SUSD6: variants seen among roughly 807,000 people sequenced by gnomAD.
SUSD6 encodes the protein sushi domain-containing protein 6.
A neutral mutation model predicts 28.4 loss-of-function variants in SUSD6; 16 were observed. That is an observed-to-expected ratio of 0.56 (90% CI 0.38 to 0.86). The LOEUF is 0.86. Ranked by LOEUF, SUSD6 falls within the 40% of genes least tolerant of loss-of-function variation. The pLI, the probability that SUSD6 is intolerant of heterozygous loss-of-function variation, is 0.00. For missense variants in SUSD6, 341 were observed against 384.2 expected (o/e 0.89, Z 0.94); for synonymous variants, 147 against 159.6 (o/e 0.92, Z 0.59).
intron 1 of SUSD6, among the ~76,000 whole-genome samples, chr14:69,623,101 T>C (rs1304144838): frequency 6.6e-6 from 1 of 152,140 alleles, no homozygotes; most frequent in Non-Finnish European, 1.5e-5. Flanking sequence ...CCTCCTAGGA[T>C]TGCAGACTTG....
intron 1 of SUSD6, among the ~76,000 whole-genome samples, chr14:69,634,779 C>T (rs762050): frequency 0.99 from 151,355 of 152,344 alleles, 75,189 homozygotes; most frequent in Middle Eastern, 1. Flanking sequence ...TCTTTTATTT[C>T]TGGTAAATGG....
chr14:69,696,276 G>A (rs1886224380), intron 2 of SUSD6, among the ~76,000 whole-genome samples: 1 of 152,208 alleles, frequency 6.6e-6, no homozygotes, highest in Non-Finnish European at 1.5e-5. Context: ...GTCCTTATCT[G>A]TAAAGTGGAG....
chr14:69,710,395 A>C (rs545481879), intron 5 of SUSD6, among the ~76,000 whole-genome samples: 1 of 152,334 alleles, frequency 6.6e-6, no homozygotes, highest in East Asian at 1.9e-4. Flanking sequence ...CCTATACTCA[A>C]GAAATAATAG....
chr14:69,688,260 T>C (rs1227586470), intron 2 of SUSD6, among the ~76,000 whole-genome samples: 1 of 152,208 alleles, frequency 6.6e-6, no homozygotes, highest in Non-Finnish European at 1.5e-5. Flanking sequence ...TTGAATAAAA[T>C]TGGATTGTAT....
intron 1 of SUSD6, among the ~76,000 whole-genome samples, chr14:69,612,583 G>C (rs3784143): frequency 0.043 from 6,512 of 152,242 alleles, 199 homozygotes; most frequent in East Asian, 0.15. Flanking sequence ...GGAGCAGGAG[G>C]GGGAGGTGGT....
At chr14:69,667,811 T>G (rs1454956859) in intron 2 of SUSD6, among the ~76,000 whole-genome samples, 1 of 152,212 alleles carries the variant, frequency 6.6e-6, no homozygotes, top group Admixed American at 6.5e-5. Context: ...CTTTCGGTTT[T>G]ATTTCTTTGG....
At chr14:69,644,220 G>A (rs1885393751) in intron 1 of SUSD6, among the ~76,000 whole-genome samples, 1 of 152,138 alleles carries the variant, frequency 6.6e-6, no homozygotes, top group African/African-American at 2.4e-5. Context: ...TAAGAAAGAA[G>A]CATGTTAGGA....
intron 2 of SUSD6, among the ~76,000 whole-genome samples, chr14:69,660,958 C>T (rs528133398): frequency 5.6e-4 from 85 of 152,300 alleles, no homozygotes; most frequent in African/African-American, 2.0e-3. Flanking sequence ...GGTTCTTCCC[C>T]AGCCCAGAAC....
At chr14:69,669,219 A>G (rs923232515) in intron 2 of SUSD6, among the ~76,000 whole-genome samples, 3 of 151,654 alleles carry the variant, frequency 2.0e-5, no homozygotes, top group Non-Finnish European at 1.5e-5. Flanking sequence ...ATGTGCCACC[A>G]TGCCTGGCTA....
intron 3 of SUSD6, among the ~76,000 whole-genome samples, chr14:69,703,994 G>A (rs1886349209): frequency 1.3e-5 from 2 of 152,160 alleles, no homozygotes; most frequent in South Asian, 4.1e-4. Context: ...CACCCTTACT[G>A]CTTCCTCCTG....
At chr14:69,616,769 A>G (rs754433228) in intron 1 of SUSD6, among the ~76,000 whole-genome samples, 1 of 151,998 alleles carries the variant, frequency 6.6e-6, no homozygotes, top group African/African-American at 2.4e-5. Context: ...AGATGGTAGT[A>G]CCTGTACATT....
chr14:69,681,940 C>T (rs1436762298), intron 2 of SUSD6, among the ~76,000 whole-genome samples: 2 of 152,184 alleles, frequency 1.3e-5, no homozygotes, highest in African/African-American at 2.4e-5. Context: ...TTCATATGGA[C>T]ATGCATCAGA....
At chr14:69,679,257 A>G (rs1885962941) in intron 2 of SUSD6, among the ~76,000 whole-genome samples, 1 of 152,220 alleles carries the variant, frequency 6.6e-6, no homozygotes, top group Non-Finnish European at 1.5e-5. Context: ...TATATTACAT[A>G]CTAAGATCCT....
At chr14:69,677,666 G>A (rs1566601727) in intron 2 of SUSD6, among the ~76,000 whole-genome samples, 1 of 152,164 alleles carries the variant, frequency 6.6e-6, no homozygotes, top group Non-Finnish European at 1.5e-5. Context: ...CAGCTGCATG[G>A]TCAATCAGGG....
At chr14:69,618,069 C>G (rs1003632782) in intron 1 of SUSD6, among the ~76,000 whole-genome samples, 4 of 152,146 alleles carry the variant, frequency 2.6e-5, no homozygotes, top group African/African-American at 9.7e-5. Context: ...TCATGCCAAC[C>G]ATATTAATGA....
At chr14:69,642,346 T>C (rs1231472412) in intron 1 of SUSD6, among the ~76,000 whole-genome samples, 1 of 152,186 alleles carries the variant, frequency 6.6e-6, no homozygotes, top group African/African-American at 2.4e-5. Context: ...CCCTGTGTAT[T>C]AGAAGACTTT....
At chr14:69,664,341 A>G (rs996913558) in intron 2 of SUSD6, among the ~76,000 whole-genome samples, 11 of 152,254 alleles carry the variant, frequency 7.2e-5, no homozygotes, top group African/African-American at 2.4e-4. Context: ...CAGTTTAGGC[A>G]CAAGGTTTGC....
At chr14:69,615,086 G>A (rs1159316645) in intron 1 of SUSD6, among the ~76,000 whole-genome samples, 1 of 152,224 alleles carries the variant, frequency 6.6e-6, no homozygotes, top group Non-Finnish European at 1.5e-5. Flanking sequence ...CAATAGAGGA[G>A]GGAGCCCCAT....
At chr14:69,629,333 A>G (rs1885160971) in intron 1 of SUSD6, among the ~76,000 whole-genome samples, 1 of 152,116 alleles carries the variant, frequency 6.6e-6, no homozygotes, top group Admixed American at 6.5e-5. Flanking sequence ...ATTTAGGTAG[A>G]TGGCCGTTGG....
Sources: gnomAD v4.1 joint callset for allele counts (sites outside exome capture counted in the v4.1 genomes callset) on GRCh38, gnomAD v4.1.1 for gene constraint, MANE v1.5 for transcripts, NCBI Gene and HGNC (gene_info 2026-07-23, HGNC 2026-07-21) for gene names.